RAD51D: variants seen among roughly 807,000 people sequenced by gnomAD.
The protein encoded by RAD51D is DNA repair protein RAD51 homolog 4.
In RAD51D, 38 loss-of-function variants were observed where a neutral mutation model predicts 44.1. The ratio of observed to expected loss-of-function variants is 0.86; its 90% CI spans 0.67 to 1.13. The LOEUF is 1.13. RAD51D is among the 50% of genes most tolerant of loss of function. The pLI, the probability that RAD51D is intolerant of heterozygous loss-of-function variation, is 0.00. For missense variants in RAD51D, 390 were observed against 414.0 expected (o/e 0.94, Z 0.50); for synonymous variants, 141 against 166.6 (o/e 0.85, Z 1.18).
rs2091512875 is a variant in RAD51D, at chr17:35,099,756, C to T, written c.*1197G>A. 2 of 412,956 alleles carry T rather than the reference C, an allele frequency of 4.8e-6. No homozygotes were observed. The highest frequency in any genetic ancestry group is 2.0e-5 in the South Asian group (1 of 51,124). The allele number at this position is 412,956 out of a possible 1,614,324, so 25.6% of individuals were successfully genotyped here. A position where few individuals can be genotyped will look rare whatever the true frequency, so the allele number is the denominator to read the frequency against. ...CTCTCTAACCAAGAAAGATGACCTT[C>T]CTTTAAAAGATGTGGCCAGTAACCA... On this transcript the variant is annotated 3_prime_UTR_variant, in exon 10 of 10. Coordinates refer to ENST00000345365, the MANE Select transcript of RAD51D (RefSeq NM_002878.4).
At chr17:35,107,486 G>A in intron 3 of RAD51D, 39 bp from the exon 4 acceptor site, 2 of 1,458,748 alleles carry the variant, frequency 1.4e-6, no homozygotes, top group Non-Finnish European at 1.9e-6. Flanking sequence ...CAAGAGGTTA[G>A]GAGGAAGACA....
In RAD51D at chr17:35,119,577, T is replaced by C; in HGVS notation, c.37A>G (p.Thr13Ala). 1 of 1,612,684 alleles carries C rather than the reference T, an allele frequency of 6.2e-7. No individual in the cohort carries two copies. Among genetic ancestry groups the C allele is most frequent in the Non-Finnish European group, 8.5e-7 (1 of 1,179,932 alleles). ...VLRVGLCPGL[T>A]EEMIQLLRSH... ...CTGAGAAGCTGGATCATCTCCTCGG[T>C]AAGGCCAGGGCACAGTCCGACCCTG... The change falls in exon 1 of 10, where the codon ACC becomes GCC. Residue 13 changes from threonine to alanine, a missense_variant. By Grantham distance (58) the Thr-to-Ala change is moderately conservative. Coordinates refer to ENST00000345365, the MANE Select transcript of RAD51D (RefSeq NM_002878.4).
rs1409604604 is a variant in RAD51D, at chr17:35,099,775, G to T, written c.*1178C>A. ...GACCTTCCTTTAAAAGATGTGGCCA[G>T]TAACCAATCCTGATCATTTCTGTAC... On this transcript the variant is annotated 3_prime_UTR_variant, in exon 10 of 10. Coordinates refer to ENST00000345365, the MANE Select transcript of RAD51D (RefSeq NM_002878.4). The T allele has an allele frequency of 2.3e-6, 1 of 434,144 alleles. No individual in the cohort carries two copies. The highest frequency in any genetic ancestry group is 4.9e-5 in the East Asian group (1 of 20,502). 26.9% of individuals were successfully genotyped at this position (434,144 alleles called of 1,614,324 possible).
chr17:35,109,559 C>T (rs913960809), intron 3 of RAD51D, among the ~76,000 whole-genome samples: 2 of 152,206 alleles, frequency 1.3e-5, no homozygotes, highest in Admixed American at 6.5e-5. Context: ...TCCACATCTT[C>T]ATCAGCATTT....
In RAD51D at chr17:35,106,498, G is replaced by A. The variant is rs2142429897; in HGVS notation, c.481-17C>T. The A allele has an allele frequency of 6.3e-7, 1 of 1,593,278 alleles. No individual in the cohort carries two copies. The highest frequency in any genetic ancestry group is 8.6e-7 in the Non-Finnish European group (1 of 1,164,134). On this transcript the variant is annotated splice_polypyrimidine_tract_variant and intron_variant, in intron 5 of 9. Transcript: ENST00000345365. Reference sequence around the variant, plus strand: ...AGCTTCTGCCTGAAGCGGTGGAAAAGAAAAGCAAGGACTTTGGATAAGAGG... The same window carrying A: ...AGCTTCTGCCTGAAGCGGTGGAAAAAAAAAGCAAGGACTTTGGATAAGAGG...
In RAD51D at chr17:35,092,990, G is replaced by C. The variant is rs777720546; in HGVS notation, c.*7963C>G. On this transcript the variant is annotated 3_prime_UTR_variant, in exon 10 of 10. Coordinates refer to ENST00000345365, the MANE Select transcript of RAD51D (RefSeq NM_002878.4). Reference sequence around the variant, plus strand: ...TTTAAAAATTAAGAACTTCAAGATGGCAACAGCAGAGCATTAAACTAAGTG... The same window carrying C: ...TTTAAAAATTAAGAACTTCAAGATGCCAACAGCAGAGCATTAAACTAAGTG... 1 of 152,180 alleles carries C rather than the reference G, an allele frequency of 6.6e-6. No individual in the cohort carries two copies. Among genetic ancestry groups the C allele is most frequent in the Non-Finnish European group, 1.5e-5 (1 of 68,044 alleles). The allele number at this position is 152,180 out of a possible 1,614,324, so 9.4% of individuals were successfully genotyped here.
chr17:35,111,371 G>A (rs2091674153), intron 3 of RAD51D, among the ~76,000 whole-genome samples: 1 of 148,914 alleles, frequency 6.7e-6, no homozygotes, highest in South Asian at 2.1e-4. Flanking sequence ...AAAAAAAAGA[G>A]AGAGAGAGAA....
intron 3 of RAD51D, among the ~76,000 whole-genome samples, chr17:35,111,810 T>C (rs1275356695): frequency 2.6e-5 from 4 of 151,716 alleles, no homozygotes; most frequent in South Asian, 4.1e-4. Context: ...TCTATGTCTA[T>C]AGAAAAAAAA....
intron 3 of RAD51D, among the ~76,000 whole-genome samples, chr17:35,113,147 T>C (rs8075760): frequency 0.66 from 100,227 of 152,120 alleles, 34,613 homozygotes; most frequent in African/African-American, 0.86. Flanking sequence ...CAATGCCTGA[T>C]CACATGCGTA....
At chr17:35,111,026 G>A (rs956254736) in intron 3 of RAD51D, among the ~76,000 whole-genome samples, 1 of 151,928 alleles carries the variant, frequency 6.6e-6, no homozygotes, top group Non-Finnish European at 1.5e-5. Flanking sequence ...AATCAAACCC[G>A]GGAGGCGGGG....
At chr17:35,106,684 T>C (rs1400741254) in intron 5 of RAD51D, among the ~76,000 whole-genome samples, 2 of 152,208 alleles carry the variant, frequency 1.3e-5, no homozygotes, top group East Asian at 3.9e-4. Context: ...GAAAGAGGGA[T>C]ATGACTGATT....
rs1243377707 is a variant in RAD51D, at chr17:35,107,178, C to T, written c.346-56G>A. The stretch of plus-strand genomic sequence containing the variant: ...ACTTCAGAGAGGGTCCAGATGGGAG[C>T]TCCCCACCAAACCTTGCCCAGATTC... On this transcript the variant is annotated intron_variant, in intron 4 of 9. Coordinates refer to ENST00000345365, the MANE Select transcript of RAD51D (RefSeq NM_002878.4). 1.9e-6 allele frequency: 3 copies of T among 1,604,324 alleles called. No individual in the cohort carries two copies. In the South Asian group the frequency reaches 3.3e-5, roughly 18 times the overall value.
chr17:35,092,924 T>C lies in RAD51D; in HGVS notation c.*8029A>G, dbSNP rs1391518535. ...ATCCATTCCTGGAGACAGAACTGGC[T>C]ACACTGTTTGCAAGAAACAGTGCAA... On this transcript the variant is annotated 3_prime_UTR_variant, in exon 10 of 10. Coordinates refer to ENST00000345365, the MANE Select transcript of RAD51D (RefSeq NM_002878.4). 4 of 152,240 alleles carry C rather than the reference T, an allele frequency of 2.6e-5. No individual in the cohort carries two copies. Among genetic ancestry groups the C allele is most frequent in the Admixed American group, 2.0e-4 (3 of 15,280 alleles). The allele number at this position is 152,240 out of a possible 1,614,324, so 9.4% of individuals were successfully genotyped here.
chr17:35,114,100 G>A (rs1057122812), intron 3 of RAD51D, among the ~76,000 whole-genome samples: 9 of 152,046 alleles, frequency 5.9e-5, no homozygotes, highest in East Asian at 1.9e-4. Context: ...GTGAAACTCC[G>A]TCTCTACTAA....
chr17:35,118,725 T>C, intron 2 of RAD51D, 106 bp from the exon 3 acceptor site: 1 of 898,490 alleles, frequency 1.1e-6, no homozygotes, highest in Admixed American at 1.8e-5. Context: ...TCTGCTCCCT[T>C]TGGCTTGGGA....
rs876660173 is a variant in RAD51D at position 35,118,555 on chromosome 17, T to A, written c.209A>T (p.Asp70Val). The change falls in exon 3 of 10, where the codon GAT (aspartate) becomes GTT (valine). Residue 70 changes from aspartate to valine, a missense_variant. Asp to Val is a radical substitution (Grantham distance 152, BLOSUM62 -3). Coordinates refer to ENST00000345365, the MANE Select transcript of RAD51D (RefSeq NM_002878.4). ...QFSAFPVNGA[D>V]LYEELKTSTA... ...GGAGGTCTTCAGTTCCTCGTAGAGA[T>A]CAGCGCCATTCACGGGGAAAGCCGA... 5 of 1,614,110 alleles carry A rather than the reference T, an allele frequency of 3.1e-6. No individual in the cohort carries two copies. The Admixed American group carries it at 6.7e-5, about 22-fold the overall frequency.
At position 35,100,155 on chromosome 17, in the gene RAD51D, A is replaced by C. The variant is rs1187970051; in HGVS notation, c.*798T>G. ...GGAGGGGCCCCACAGGGCACCATGC[A>C]TATTAAATGAGTGGCTGGATTCACC... On this transcript the variant is annotated 3_prime_UTR_variant, in exon 10 of 10. Coordinates refer to ENST00000345365, the MANE Select transcript of RAD51D (RefSeq NM_002878.4). The C allele has an allele frequency of 1.9e-6, 1 of 532,904 alleles. No homozygotes were observed. Among genetic ancestry groups the C allele is most frequent in the African/African-American group, 1.9e-5 (1 of 53,790 alleles). 33.0% of individuals were successfully genotyped at this position (532,904 alleles called of 1,614,324 possible).
In RAD51D at chr17:35,106,443, A is replaced by G; in HGVS notation, c.519T>C (p.Phe173=). Residue 173 remains phenylalanine, a synonymous_variant, in exon 6 of 10, where the codon TTT becomes TTC. Coordinates refer to ENST00000345365, the MANE Select transcript of RAD51D (RefSeq NM_002878.4). ...GCACATCCAGCATCTGGAAGATGTC[A>G]AATGCATGCACCACCTGGATCCTCC... The part of the protein sequence containing the change: ...ALRRIQVVHA[F]DIFQMLDVLQ... 1 of 1,613,402 alleles carries G rather than the reference A, an allele frequency of 6.2e-7. No individual in the cohort carries two copies. Among genetic ancestry groups the G allele is most frequent in the Non-Finnish European group, 8.5e-7 (1 of 1,179,732 alleles).
intron 3 of RAD51D, among the ~76,000 whole-genome samples, chr17:35,116,003 A>AAGAAAGAAAGAAAGAAAGAC (rs1567733763): frequency 6.6e-6 from 1 of 151,454 alleles, no homozygotes; most frequent in Non-Finnish European, 1.5e-5. Flanking sequence ...GAAAGAAAGA[A>AAGAAAGAAAGAAAGAAAGAC]AGAAAGAAAG....
Sources: gnomAD v4.1 joint callset for allele counts (sites outside exome capture counted in the v4.1 genomes callset) on GRCh38, gnomAD v4.1.1 for gene constraint, MANE v1.5 for transcripts, NCBI Gene and HGNC (gene_info 2026-07-23, HGNC 2026-07-21) for gene names.